ZNF592: variants seen among roughly 807,000 people sequenced by gnomAD.
The protein encoded by ZNF592 is spinocerebellar ataxia, autosomal recessive 5.
In ZNF592, 11 loss-of-function variants were observed where a neutral mutation model predicts 80.3. The ratio of observed to expected loss-of-function variants is 0.14; its 90% CI spans 0.09 to 0.23. ZNF592 has a LOEUF of 0.23. ZNF592 is among the 10% of genes least tolerant of loss of function. The probability of loss-of-function intolerance (pLI) is 1.00; values close to 1 mark genes in which losing one functional copy is unlikely to be tolerated. For synonymous variants in ZNF592, 646 were observed against 640.3 expected, an observed-to-expected ratio of 1.01 and a Z score of -0.13; for missense variants, 1,420 against 1,633.9, an observed-to-expected ratio of 0.87 and a Z score of 2.26.
chr15:84,790,612 C>G (rs1048237854), intron 4 of ZNF592, 93 bp from the exon 5 acceptor site: 2 of 1,317,676 alleles, frequency 1.5e-6, no homozygotes, highest in African/African-American at 2.9e-5. Flanking sequence ...AGGGGTTATT[C>G]TGACCCATGT....
At chr15:84,772,640 G>C (rs1962117935) in intron 2 of ZNF592, among the ~76,000 whole-genome samples, 1 of 152,194 alleles carries the variant, frequency 6.6e-6, no homozygotes, top group Admixed American at 6.5e-5. Flanking sequence ...TCAGTCATGT[G>C]GGGGAGCAGG....
intron 2 of ZNF592, among the ~76,000 whole-genome samples, chr15:84,769,786 A>T (rs576213354): frequency 1.3e-5 from 2 of 152,082 alleles, no homozygotes; most frequent in South Asian, 4.1e-4. Context: ...ATTTTTTGAG[A>T]TGGGGTCTCA....
intron 2 of ZNF592, among the ~76,000 whole-genome samples, chr15:84,767,316 G>A (rs1030541121): frequency 2.0e-5 from 3 of 152,092 alleles, no homozygotes; most frequent in Non-Finnish European, 1.5e-5. Flanking sequence ...GTGAGCCACC[G>A]TACCCGGCCA....
rs1351611542 is a variant in ZNF592, at chr15:84,783,838, A to G, written c.1163A>G (p.Lys388Arg). The change falls in exon 4 of 11, where the codon AAA becomes AGA. Residue 388 changes from lysine to arginine, a missense_variant. By Grantham distance (26) the Lys-to-Arg change is conservative (BLOSUM62 2). This residue lies in a region of ZNF592 where 524 missense variants were observed against 628.3 expected (regional missense o/e 0.83). Transcript: ENST00000560079. This position sits in a 1 kb window ranked among gnomAD's most constrained non-coding sequence, Gnocchi z 5.0. ...ATTAAGACATCATCAGGGGAAATCA[A>G]ACGGACTGTCACAAGGATCCTGCCA... ...KTIKTSSGEI[K>R]RTVTRILPDP... is the part of the protein sequence containing the mutation. 1 of 1,614,218 alleles carries G rather than the reference A, an allele frequency of 6.2e-7. No homozygotes were observed. Among genetic ancestry groups the G allele is most frequent in the East Asian group, 2.2e-5 (1 of 44,890 alleles).
chr15:84,763,357 A>C (rs1159580296), intron 1 of ZNF592, among the ~76,000 whole-genome samples: 1 of 152,240 alleles, frequency 6.6e-6, no homozygotes, highest in Admixed American at 6.5e-5. Context: ...ATGATTGCGC[A>C]TGTGAGAGAG....
In ZNF592 at chr15:84,758,662, A is replaced by G. The variant is rs146513489; in HGVS notation, c.-258-6045A>G. Among the ~76,000 whole-genome samples the G allele has an allele frequency of 8.4e-3, 1,271 of 151,914 alleles. 7 individuals carry two copies. The highest frequency in any genetic ancestry group is 0.041 in the Middle Eastern group (12 of 294). On this transcript the variant is annotated intron_variant, in intron 1 of 10. Coordinates refer to ENST00000560079, the MANE Select transcript of ZNF592 (RefSeq NM_014630.3). ...TAAGGTGGCTCACACCTGTAATCCC[A>G]GCACTTTTGGGGGCTGAGGTGGGTG...
chr15:84,796,591 T>C (rs1596133340), intron 5 of ZNF592, among the ~76,000 whole-genome samples: 1 of 151,878 alleles, frequency 6.6e-6, no homozygotes, highest in Admixed American at 6.6e-5. Flanking sequence ...TTCTCTGATA[T>C]CGATAAAAGG....
chr15:84,780,433 A>G (rs1962387013), intron 3 of ZNF592, among the ~76,000 whole-genome samples: 2 of 152,232 alleles, frequency 1.3e-5, no homozygotes, highest in Non-Finnish European at 2.9e-5. Flanking sequence ...TTTCAGTGAC[A>G]TCCAGTATGT....
intron 3 of ZNF592, among the ~76,000 whole-genome samples, chr15:84,780,921 A>T (rs1001865237): frequency 1.3e-5 from 2 of 152,154 alleles, no homozygotes; most frequent in African/African-American, 2.4e-5. Flanking sequence ...CTTGGCTCAA[A>T]TGCACGCGTA....
At chr15:84,774,755 A>T in intron 2 of ZNF592, among the ~76,000 whole-genome samples, 1 of 152,068 alleles carries the variant, frequency 6.6e-6, no homozygotes, top group South Asian at 2.1e-4. Context: ...TGCCATAATT[A>T]TATATAATCA....
At position 84,806,125 on chromosome 15, in the gene ZNF592, T is replaced by G. The variant is rs993663655; in HGVS notation, c.*3732T>G. ...AATGAGTGAATGCTGCATGAATGAA[T>G]GAATCTGATTCAATTGGTAGCTACA... On this transcript the variant is annotated 3_prime_UTR_variant, in exon 11 of 11. Transcript: ENST00000560079. The G allele has an allele frequency of 6.6e-6, 1 of 152,614 alleles. No individual in the cohort carries two copies. The highest frequency in any genetic ancestry group is 1.5e-5 in the Non-Finnish European group (1 of 68,044). 9.5% of individuals were successfully genotyped at this position (152,614 alleles called of 1,614,324 possible).
intron 5 of ZNF592, among the ~76,000 whole-genome samples, 165 bp from the exon 6 acceptor site, chr15:84,797,704 C>T (rs1004629628): frequency 3.9e-5 from 6 of 152,162 alleles, no homozygotes; most frequent in African/African-American, 1.2e-4. Flanking sequence ...AGCAAGCAGA[C>T]CCTCAGGACG....
At chr15:84,781,236 T>C (rs11633267) in intron 3 of ZNF592, among the ~76,000 whole-genome samples, 30,643 of 151,772 alleles carry the variant, frequency 0.2, 3,803 homozygotes, top group Middle Eastern at 0.37. Flanking sequence ...TTAGTAGAGA[T>C]GGGGTTTCAT....
In ZNF592 at chr15:84,783,139, A is replaced by G. The variant is rs1356706485; in HGVS notation, c.464A>G (p.Asp155Gly). Residue 155 changes from aspartate (D) to glycine (G), a missense_variant, in exon 4 of 11, where the codon GAT (aspartate) becomes GGT (glycine). Coordinates refer to ENST00000560079, the MANE Select transcript of ZNF592 (RefSeq NM_014630.3). The surrounding 1 kb of genome is among the most constrained non-coding windows in gnomAD (Gnocchi z 5.0). ...CCAGAACCTGAGGATCCCATCAAAG[A>G]TAACGGATTTGGGATAAAGCCCAAA... is the stretch of plus-strand genomic sequence containing the variant. ...SSPEPEDPIK[D>G]NGFGIKPKHS... is the part of the protein sequence containing the mutation. 4 of 1,614,062 alleles carry G rather than the reference A, an allele frequency of 2.5e-6. No individual in the cohort carries two copies. The highest frequency in any genetic ancestry group is 3.4e-6 in the Non-Finnish European group (4 of 1,180,048).
At chr15:84,757,800 A>G (rs1596105698) in intron 1 of ZNF592, among the ~76,000 whole-genome samples, 2 of 151,182 alleles carry the variant, frequency 1.3e-5, no homozygotes, top group African/African-American at 4.9e-5. Flanking sequence ...CTGGGACTAC[A>G]GGCACACGCT....
intron 5 of ZNF592, among the ~76,000 whole-genome samples, chr15:84,796,838 A>G (rs1030481247): frequency 1.3e-5 from 2 of 152,206 alleles, no homozygotes; most frequent in Non-Finnish European, 2.9e-5. Context: ...AGTAGAGTAT[A>G]GTATAGTACC....
At chr15:84,765,448 C>A (rs1899480067) in intron 2 of ZNF592, among the ~76,000 whole-genome samples, 1 of 151,002 alleles carries the variant, frequency 6.6e-6, no homozygotes, top group African/African-American at 2.4e-5. Context: ...CAACTGCTTT[C>A]TATAGCAGCT....
intron 4 of ZNF592, among the ~76,000 whole-genome samples, chr15:84,789,590 G>T (rs1020199642): frequency 9.9e-5 from 15 of 152,170 alleles, no homozygotes; most frequent in African/African-American, 3.4e-4. Context: ...ATCCTCACCA[G>T]CACTTATTTT....
At position 84,784,246 on chromosome 15, in the gene ZNF592, C is replaced by T. The variant is rs1314802416; in HGVS notation, c.1571C>T (p.Ser524Leu). Reference protein sequence around the residue: ...SVAASVTAKSSVQRRSQPQLT... With the variant: ...SVAASVTAKSLVQRRSQPQLT... ...GCTGCATCAGTGACAGCCAAGTCTT[C>T]AGTGCAAAGACGGAGCCAGCCACAG... Residue 524 changes from serine (S) to leucine (L), a missense_variant, in exon 4 of 11, where the codon TCA (serine) becomes TTA (leucine). Transcript: ENST00000560079. The surrounding 1 kb of genome is among the most constrained non-coding windows in gnomAD (Gnocchi z 5.8). 3.7e-6 allele frequency: 6 copies of T among 1,614,246 alleles called. No homozygotes were observed. The highest frequency in any genetic ancestry group is 3.3e-5 in the South Asian group (3 of 91,086).
Sources: allele counts gnomAD v4.1 joint callset (sites outside exome capture counted in the v4.1 genomes callset), GRCh38; gene constraint gnomAD v4.1.1; regional missense constraint gnomAD v4.1.1; non-coding constraint Gnocchi (gnomAD v3.1); transcripts MANE v1.5; gene names NCBI Gene and HGNC (gene_info 2026-07-23, HGNC 2026-07-21).